CFAP47: variants seen among roughly 807,000 people sequenced by gnomAD.
CFAP47 encodes the protein cilia and flagella associated protein 47.
Under a neutral mutation model 148.1 loss-of-function variants are expected in CFAP47, and 29 were observed. That is an observed-to-expected ratio of 0.20 (90% CI 0.15 to 0.27). CFAP47 has a LOEUF of 0.27. CFAP47 is among the 10% of genes least tolerant of loss of function. The pLI, the probability that CFAP47 is intolerant of heterozygous loss-of-function variation, is 1.00. For missense variants in CFAP47, 1,872 were observed against 1,697.5 expected (o/e 1.10, Z -1.81); for synonymous variants, 664 against 577.3 (o/e 1.15, Z -2.15).
At chrX:36,383,631 TACAA>T (rs1942099222) in intron 63 of CFAP47, among the ~76,000 whole-genome samples, 1 of 111,871 alleles carries the variant, frequency 8.9e-6, no homozygotes, top group Admixed American at 9.5e-5. Flanking sequence ...ACATAATTAT[TACAA>T]ACACTAGATA....
intron 29 of CFAP47, among the ~76,000 whole-genome samples, chrX:36,083,243 T>A (rs1051008503): frequency 1.2e-4 from 13 of 110,542 alleles, no homozygotes; most frequent in Admixed American, 1.1e-3. Context: ...TACATATAGA[T>A]GTAGTATACA....
Position 36,013,418 on chromosome X carries a change from G to A in CFAP47, c.3418-1356G>A, listed in dbSNP as rs192791277. Among the ~76,000 whole-genome samples, 146 of 111,921 alleles carry A rather than the reference G, an allele frequency of 1.3e-3. 1 individual carries two copies. Among genetic ancestry groups the A allele is most frequent in the Non-Finnish European group, 2.1e-3 (111 of 53,190 alleles). ...TTCGCTTTAACTTTTTAAAAAATGT[G>A]CATAAACTAAAAGTCTCTTTCGGAT... On this transcript the variant is annotated intron_variant, in intron 21 of 63. Transcript: ENST00000378653.
chrX:36,237,933 T>C (rs1940491388), intron 48 of CFAP47, among the ~76,000 whole-genome samples: 2 of 111,671 alleles, frequency 1.8e-5, no homozygotes, highest in African/African-American at 6.5e-5. Flanking sequence ...GGAATTAATA[T>C]TCTAAATGAA....
In CFAP47 at chrX:35,975,812, G is replaced by T. The variant is rs750001851; in HGVS notation, c.2612G>T (p.Gly871Val). The change falls in exon 15 of 64, where the codon GGG becomes GTG. Residue 871 changes from glycine to valine, a missense_variant. By Grantham distance (109) the Gly-to-Val change is moderately radical (BLOSUM62 -3). Coordinates refer to ENST00000378653, the MANE Select transcript of CFAP47 (RefSeq NM_001304548.2). ...RGFFMKTCFR[G>V]TVRLYNRQNC... The stretch of plus-strand genomic sequence containing the variant: ...TTCTTCATGAAAACATGTTTTCGGG[G>T]GACAGTTAGATTGTATAATCGTCAG... 1.7e-6 allele frequency: 2 copies of T among 1,209,853 alleles called. No homozygotes were observed. The highest frequency in any genetic ancestry group is 4.4e-5 in the Admixed American group (2 of 45,925).
At chrX:35,987,659 A>C (rs189468823) in intron 15 of CFAP47, among the ~76,000 whole-genome samples, 2 of 111,481 alleles carry the variant, frequency 1.8e-5, no homozygotes, top group Non-Finnish European at 3.8e-5. Context: ...GGGGTATGAA[A>C]AAAAACTCCT....
intron 33 of CFAP47, among the ~76,000 whole-genome samples, chrX:36,132,306 T>C (rs188184978): frequency 1.1e-3 from 120 of 111,913 alleles, no homozygotes; most frequent in African/African-American, 3.8e-3. Flanking sequence ...AATTTTCTGG[T>C]TTCTGACAAA....
Position 36,008,361 on chromosome X carries a change from G to A in CFAP47, c.3418-6413G>A, listed in dbSNP as rs1012499242. Among the ~76,000 whole-genome samples the A allele has an allele frequency of 5.8e-4, 64 of 111,189 alleles. 3 individuals carry two copies. Among genetic ancestry groups the A allele is most frequent in the Admixed American group, 3.5e-3 (36 of 10,400 alleles). ...CATTGGGAACCTGGCTATCTCAATA[G>A]CACTGTTTTTTAAAATAGCATTTCC... is the stretch of plus-strand genomic sequence containing the variant. On this transcript the variant is annotated intron_variant, in intron 21 of 63. Transcript: ENST00000378653.
intron 21 of CFAP47, among the ~76,000 whole-genome samples, chrX:36,013,996 A>G (rs1312991421): frequency 8.9e-6 from 1 of 112,161 alleles, no homozygotes; most frequent in Non-Finnish European, 1.9e-5. Flanking sequence ...TGTGAAATAT[A>G]TAGTTAACTT....
At position 35,924,367 on chromosome X, in the gene CFAP47, ATG is replaced by A. The variant is rs1935685267; in HGVS notation, c.250-1647_250-1646del. ...TGTGTGCATATGTGTATATATGTAT[ATG>A]TGCATATATGCACACATATGTGTAT... On this transcript the variant is annotated intron_variant, in intron 1 of 63. Transcript: ENST00000378653. Among the ~76,000 whole-genome samples, 4 of 106,679 alleles carry A rather than the reference ATG, an allele frequency of 3.7e-5. No homozygotes were observed. In the South Asian group the frequency reaches 1.2e-3, roughly 32 times the overall value. 92.6% of individuals were successfully genotyped at this position (106,679 alleles called of 115,157 possible). A position where few individuals can be genotyped will look rare whatever the true frequency, so the allele number is the denominator to read the frequency against.
chrX:36,066,008 C>T (rs1188634922), intron 27 of CFAP47, among the ~76,000 whole-genome samples: 1 of 112,041 alleles, frequency 8.9e-6, no homozygotes, highest in East Asian at 2.8e-4. Context: ...AATGTAGGTA[C>T]AGGACCATAA....
At chrX:36,120,000 CTT>C (rs1175886669) in intron 33 of CFAP47, among the ~76,000 whole-genome samples, 1 of 100,036 alleles carries the variant, frequency 1.0e-5, no homozygotes, top group East Asian at 3.1e-4. Flanking sequence ...AACACATCAG[CTT>C]TTTTTTTTTT....
At chrX:36,260,000 T>C (rs1450530066) in intron 49 of CFAP47, among the ~76,000 whole-genome samples, 1 of 111,498 alleles carries the variant, frequency 9.0e-6, no homozygotes, top group Non-Finnish European at 1.9e-5. Flanking sequence ...TTGCTCAGGA[T>C]AATGGCCTCC....
At chrX:36,151,396 A>C (rs1939305762) in intron 37 of CFAP47, among the ~76,000 whole-genome samples, 1 of 111,907 alleles carries the variant, frequency 8.9e-6, no homozygotes, top group Non-Finnish European at 1.9e-5. Context: ...TAACATACTT[A>C]ATATTTATTC....
chrX:35,941,243 T>G, intron 2 of CFAP47, 40 bp from the exon 3 acceptor site: 3 of 738,602 alleles, frequency 4.1e-6, no homozygotes, highest in Non-Finnish European at 6.1e-6. Flanking sequence ...GCTCTTATGA[T>G]TGTTAAATTA....
chrX:36,239,156 G>A (rs191945422), intron 48 of CFAP47, among the ~76,000 whole-genome samples: 9 of 112,323 alleles, frequency 8.0e-5, no homozygotes, highest in Admixed American at 1.9e-4. Flanking sequence ...TAACAAAGTA[G>A]TAGAAAATAA....
intron 62 of CFAP47, among the ~76,000 whole-genome samples, chrX:36,378,289 T>A (rs782506953): frequency 8.9e-6 from 1 of 112,192 alleles, no homozygotes; most frequent in South Asian, 3.7e-4. Flanking sequence ...TTACTTCAGA[T>A]CATAACAACC....
rs773776350 is a variant in CFAP47 at position 35,922,180 on chromosome X, A to G, written c.249+2132A>G. Among the ~76,000 whole-genome samples, 3 of 110,687 alleles carry G rather than the reference A, an allele frequency of 2.7e-5. No individual in the cohort carries two copies. The South Asian group carries it at 1.1e-3, about 42-fold the overall frequency. On this transcript the variant is annotated intron_variant, in intron 1 of 63. Transcript: ENST00000378653. Reference sequence around the variant, plus strand: ...TCTTTTTCTTCTCACCCACATTTTCATACCCTGTCATCTGCAAAAATCATC... The same window carrying G: ...TCTTTTTCTTCTCACCCACATTTTCGTACCCTGTCATCTGCAAAAATCATC...
intron 22 of CFAP47, among the ~76,000 whole-genome samples, chrX:36,027,876 T>C (rs1937238599): frequency 8.9e-6 from 1 of 111,824 alleles, no homozygotes; most frequent in African/African-American, 3.2e-5. Context: ...TAGTATCTCA[T>C]TGTGGTTTTA....
chrX:36,225,827 G>A (rs1263568480), intron 45 of CFAP47, among the ~76,000 whole-genome samples: 1 of 111,171 alleles, frequency 9.0e-6, no homozygotes, highest in Non-Finnish European at 1.9e-5. Context: ...TTTAGGGCAT[G>A]TGTTAAGCTA....
Sources: allele counts gnomAD v4.1 joint callset (sites outside exome capture counted in the v4.1 genomes callset), GRCh38; gene constraint gnomAD v4.1.1; transcripts MANE v1.5; gene names NCBI Gene and HGNC (gene_info 2026-07-23, HGNC 2026-07-21).